FANCC: variants seen among roughly 807,000 people sequenced by gnomAD.
FANCC encodes the protein Fanconi anemia group C protein.
In FANCC, 55 loss-of-function variants were observed where a neutral mutation model predicts 71.3. The ratio of observed to expected loss-of-function variants is 0.77; its 90% CI spans 0.62 to 0.97. The LOEUF is 0.97. FANCC is among the 50% of genes least tolerant of loss of function. The probability of loss-of-function intolerance (pLI) is 0.00; values close to 1 mark genes in which losing one functional copy is unlikely to be tolerated. For missense variants in FANCC, 678 were observed against 670.9 expected, an observed-to-expected ratio of 1.01 and a Z score of -0.12; for synonymous variants, 275 against 244.9, an observed-to-expected ratio of 1.12 and a Z score of -1.15.
At chr9:95,138,144 C>T (rs530952939) in intron 7 of FANCC, among the ~76,000 whole-genome samples, 5 of 152,370 alleles carry the variant, frequency 3.3e-5, no homozygotes, top group East Asian at 3.9e-4. Flanking sequence ...ATCCCCTCCC[C>T]GCACAGAAGA....
chr9:95,247,982 C>G (rs2136094069), intron 2 of FANCC, among the ~76,000 whole-genome samples: 1 of 152,190 alleles, frequency 6.6e-6, no homozygotes, highest in Middle Eastern at 3.4e-3. Context: ...GGGATGAGAA[C>G]TCTGGAACTT....
At chr9:95,193,547 A>C (rs1033836295) in intron 4 of FANCC, among the ~76,000 whole-genome samples, 2 of 152,350 alleles carry the variant, frequency 1.3e-5, no homozygotes, top group Middle Eastern at 3.4e-3. Flanking sequence ...GGAGCACTAA[A>C]AATGTCTCTA....
At chr9:95,189,559 A>G (rs576651851) in intron 4 of FANCC, among the ~76,000 whole-genome samples, 1 of 152,240 alleles carries the variant, frequency 6.6e-6, no homozygotes, top group Non-Finnish European at 1.5e-5. Flanking sequence ...CTTCCCAAAA[A>G]CCAAAACCAA....
chr9:95,127,071 G>A (rs761502173), intron 8 of FANCC: 25 of 167,334 alleles, frequency 1.5e-4, no homozygotes, highest in Non-Finnish European at 3.1e-4. Context: ...CTACCACGCT[G>A]GACTAAATCA....
At chr9:95,285,674 G>GA (rs952725930) in intron 1 of FANCC, among the ~76,000 whole-genome samples, 55 of 146,896 alleles carry the variant, frequency 3.7e-4, no homozygotes, top group East Asian at 2.4e-3. Context: ...ATCCTGTCTT[G>GA]AAAAAAAAAA....
At chr9:95,269,526 T>A (rs1252075131) in intron 1 of FANCC, among the ~76,000 whole-genome samples, 1 of 152,158 alleles carries the variant, frequency 6.6e-6, no homozygotes, top group Admixed American at 6.5e-5. Context: ...ATTTATGGGA[T>A]AAGTAACATT....
intron 1 of FANCC, among the ~76,000 whole-genome samples, chr9:95,276,786 T>C (rs1307859682): frequency 6.6e-6 from 1 of 152,228 alleles, no homozygotes; most frequent in Non-Finnish European, 1.5e-5. Context: ...GAAAGAGTTC[T>C]TGTATTCTAT....
intron 9 of FANCC, among the ~76,000 whole-genome samples, chr9:95,125,518 G>A (rs1017834092): frequency 4.6e-5 from 7 of 152,152 alleles, no homozygotes; most frequent in Non-Finnish European, 1.0e-4. Flanking sequence ...GCTTTCACAA[G>A]TGGAGACGAA....
chr9:95,180,023 C>T (rs928905329), intron 4 of FANCC, among the ~76,000 whole-genome samples: 2 of 152,204 alleles, frequency 1.3e-5, no homozygotes, highest in Non-Finnish European at 2.9e-5. Context: ...CTTGTGGTTA[C>T]AAAAATGTAT....
intron 4 of FANCC, among the ~76,000 whole-genome samples, chr9:95,201,367 A>G (rs1827794872): frequency 6.6e-6 from 1 of 152,194 alleles, no homozygotes; most frequent in South Asian, 2.1e-4. Context: ...AACACCACAC[A>G]ACTTTTTAAT....
chr9:95,105,871 C>T (rs1216252957), intron 14 of FANCC, among the ~76,000 whole-genome samples: 5 of 152,228 alleles, frequency 3.3e-5, no homozygotes, highest in African/African-American at 7.2e-5. Flanking sequence ...CATTGCTTGT[C>T]CCTCTACAGG....
At chr9:95,178,816 C>T (rs908856506) in intron 4 of FANCC, among the ~76,000 whole-genome samples, 2 of 152,066 alleles carry the variant, frequency 1.3e-5, no homozygotes, top group African/African-American at 4.8e-5. Flanking sequence ...TTTGTAAGGG[C>T]GTTAAAATAT....
At chr9:95,199,995 G>A (rs1381716935) in intron 4 of FANCC, among the ~76,000 whole-genome samples, 1 of 152,118 alleles carries the variant, frequency 6.6e-6, no homozygotes, top group East Asian at 1.9e-4. Flanking sequence ...TATAGCTACT[G>A]ATAATAATAT....
In FANCC at chr9:95,276,829, C is replaced by T. The variant is rs189355422; in HGVS notation, c.-78-27460G>A. On this transcript the variant is annotated intron_variant, in intron 1 of 14. Coordinates refer to ENST00000289081, the MANE Select transcript of FANCC (RefSeq NM_000136.3). The stretch of plus-strand genomic sequence containing the variant: ...TAGGTTGACTACAGTTAACCCTTTT[C>T]CCGTTTGCCCAGAGAATACTCGCCC... Among the ~76,000 whole-genome samples, 603 of 152,310 alleles carry T rather than the reference C, an allele frequency of 4.0e-3. 2 individuals are homozygous for T. The highest frequency in any genetic ancestry group is 0.01 in the Middle Eastern group (3 of 294).
intron 4 of FANCC, among the ~76,000 whole-genome samples, chr9:95,212,140 T>C (rs748107904): frequency 2.6e-5 from 4 of 151,952 alleles, no homozygotes; most frequent in Non-Finnish European, 5.9e-5. Flanking sequence ...CTCACGTAGG[T>C]TAACACTGAT....
chr9:95,260,050 G>A (rs1174024188), intron 1 of FANCC, among the ~76,000 whole-genome samples: 1 of 152,200 alleles, frequency 6.6e-6, no homozygotes, highest in African/African-American at 2.4e-5. Flanking sequence ...AACAGATGCC[G>A]AAGAGGATGT....
At chr9:95,111,230 G>C (rs2071894846) in intron 13 of FANCC, 1 of 1,537,100 alleles carries the variant, frequency 6.5e-7, no homozygotes, top group Non-Finnish European at 8.7e-7. Flanking sequence ...TCTTCGTTTT[G>C]CAGGAGAATG....
At chr9:95,292,473 G>C in intron 1 of FANCC, 1 of 1,324,642 alleles carries the variant, frequency 7.5e-7, no homozygotes, top group Non-Finnish European at 9.6e-7. Context: ...CCGACTGAGG[G>C]GCAGCCGGCC....
intron 12 of FANCC, 113 bp downstream of exon 12, chr9:95,114,516 G>A: frequency 2.1e-6 from 2 of 950,698 alleles, no homozygotes. Flanking sequence ...CACCTGTTTG[G>A]TGATGGTCCC....
Sources: allele counts gnomAD v4.1 joint callset (sites outside exome capture counted in the v4.1 genomes callset), GRCh38; gene constraint gnomAD v4.1.1; transcripts MANE v1.5; gene names NCBI Gene and HGNC (gene_info 2026-07-23, HGNC 2026-07-21).